The following MYO18B variants were observed in gnomAD, a reference collection of about 807,000 sequenced individuals.
The protein encoded by MYO18B is unconventional myosin-XVIIIb.
In MYO18B, 204 loss-of-function variants were observed where a neutral mutation model predicts 273.0. The observed-to-expected ratio is 0.75, with a 90% confidence interval of 0.67 to 0.84. The LOEUF (loss-of-function observed/expected upper bound fraction) is 0.84. Ranked by LOEUF, MYO18B falls within the 40% of genes least tolerant of loss-of-function variation. The pLI is 0.00. For synonymous variants in MYO18B, 1,330 were observed against 1,305.7 expected, an observed-to-expected ratio of 1.02 and a Z score of -0.40; for missense variants, 3,212 against 3,287.6, an observed-to-expected ratio of 0.98 and a Z score of 0.56.
Position 26,018,219 on chromosome 22 carries a change from C to G in MYO18B, c.6471-8226C>G, listed in dbSNP as rs189957321. On this transcript the variant is annotated intron_variant, in intron 42 of 43. Transcript: ENST00000335473. ...CGACCTTAAGCATCAGAGAGAACAG[C>G]AAGCAAGCCTTGAGAGCGACCTTGT... Among the ~76,000 whole-genome samples the G allele has an allele frequency of 4.2e-3, 633 of 152,244 alleles. 2 individuals carry two copies. The highest frequency in any genetic ancestry group is 7.7e-3 in the Non-Finnish European group (523 of 68,026).
the MYO18B span, among the ~76,000 whole-genome samples, chr22:26,054,468 G>A: frequency 4.6e-5 from 7 of 152,202 alleles, no homozygotes; most frequent in African/African-American, 1.7e-4. Flanking sequence ...AGAAGCAACA[G>A]AAAATGAGCT....
intron 15 of MYO18B, among the ~76,000 whole-genome samples, chr22:25,832,256 A>G (rs560621802): frequency 5.3e-5 from 8 of 152,186 alleles, no homozygotes; most frequent in Non-Finnish European, 1.0e-4. Context: ...ATGTCTGGGT[A>G]TGTACTGAAA....
intron 21 of MYO18B, 147 bp from the exon 22 acceptor site, chr22:25,868,173 G>T: frequency 3.0e-6 from 2 of 657,874 alleles, no homozygotes; most frequent in Non-Finnish European, 5.3e-6. Context: ...ACCTTCCTGT[G>T]TGAGGTGGGG....
chr22:25,840,119 G>A (rs2090038289), intron 17 of MYO18B, among the ~76,000 whole-genome samples: 1 of 152,094 alleles, frequency 6.6e-6, no homozygotes, highest in Non-Finnish European at 1.5e-5. Flanking sequence ...TTGTTTCTCT[G>A]CTTGCTTGCC....
At chr22:25,907,635 A>G (rs183529265) in intron 31 of MYO18B, among the ~76,000 whole-genome samples, 2 of 152,298 alleles carry the variant, frequency 1.3e-5, no homozygotes, top group East Asian at 1.9e-4. Context: ...CCAGGCTTTC[A>G]TGTCTTCATA....
intron 31 of MYO18B, among the ~76,000 whole-genome samples, chr22:25,906,005 CG>C (rs1259674449): frequency 1.3e-5 from 2 of 152,108 alleles, no homozygotes; most frequent in Non-Finnish European, 2.9e-5. Flanking sequence ...ACTTAGTGCT[CG>C]GAAGCAAAAA....
chr22:25,755,081 G>A (rs916025121), intron 1 of MYO18B, among the ~76,000 whole-genome samples: 1 of 152,194 alleles, frequency 6.6e-6, no homozygotes, highest in Non-Finnish European at 1.5e-5. Flanking sequence ...AGTCACTCGG[G>A]GGCCTCGCCA....
chr22:25,997,134 C>T (rs1933341218), intron 40 of MYO18B, among the ~76,000 whole-genome samples: 1 of 151,698 alleles, frequency 6.6e-6, no homozygotes, highest in African/African-American at 2.4e-5. Flanking sequence ...CCCCGCCTGG[C>T]CAACATGGTG....
At position 25,835,353 on chromosome 22, in the gene MYO18B, G is replaced by A. The variant is rs754900418; in HGVS notation, c.3118G>A (p.Asp1040Asn). ...TGCCAGAGGCCTTTTCTGGGTCTTA[G>A]ATGAGGAAGTCCATGTAGAGGGCTC... is the stretch of plus-strand genomic sequence containing the variant. ...QDARGLFWVL[D>N]EEVHVEGSSD... Residue 1040 changes from aspartate to asparagine, a missense_variant, in exon 17 of 44, where the codon GAT becomes AAT. Physicochemically the swap from Asp to Asn is conservative, Grantham distance 23. Coordinates refer to ENST00000335473, the MANE Select transcript of MYO18B (RefSeq NM_032608.7). 5 of 1,613,870 alleles carry A rather than the reference G, an allele frequency of 3.1e-6. No individual in the cohort carries two copies. The African/African-American group carries it at 6.7e-5, about 22-fold the overall frequency.
At chr22:25,987,359 C>G (rs1044895432) in intron 39 of MYO18B, among the ~76,000 whole-genome samples, 1 of 152,040 alleles carries the variant, frequency 6.6e-6, no homozygotes, top group Non-Finnish European at 1.5e-5. Context: ...GGGAGTAGCC[C>G]GGGGGTTTAA....
chr22:26,021,836 G>A (rs1935844714), intron 42 of MYO18B, among the ~76,000 whole-genome samples: 2 of 152,178 alleles, frequency 1.3e-5, no homozygotes, highest in South Asian at 2.1e-4. Context: ...CCATCCGTTT[G>A]CTCTCTCCTA....
chr22:25,848,773 T>C (rs2090334214), intron 20 of MYO18B, among the ~76,000 whole-genome samples: 1 of 152,204 alleles, frequency 6.6e-6, no homozygotes, highest in East Asian at 1.9e-4. Context: ...TCTCTGACAG[T>C]TAGAAATGGC....
At chr22:25,894,184 A>G (rs945038088) in intron 27 of MYO18B, among the ~76,000 whole-genome samples, 2 of 152,236 alleles carry the variant, frequency 1.3e-5, no homozygotes, top group Non-Finnish European at 2.9e-5. Flanking sequence ...GAAAGCCCTG[A>G]TCATACTAGG....
At chr22:25,946,509 A>G (rs1008647753) in intron 35 of MYO18B, among the ~76,000 whole-genome samples, 1 of 152,142 alleles carries the variant, frequency 6.6e-6, no homozygotes, top group African/African-American at 2.4e-5. Context: ...TCAGCTGAGC[A>G]TTATAAAGAT....
At chr22:26,004,158 A>G (rs1934224625) in intron 41 of MYO18B, among the ~76,000 whole-genome samples, 2 of 151,942 alleles carry the variant, frequency 1.3e-5, no homozygotes, top group South Asian at 4.2e-4. Flanking sequence ...ATACACACAC[A>G]TATACATAAT....
Position 25,846,089 on chromosome 22 carries a change from C to G in MYO18B, c.3369-11C>G. The G allele has an allele frequency of 2.6e-6, 4 of 1,518,622 alleles. No individual in the cohort carries two copies. The highest frequency in any genetic ancestry group is 3.5e-6 in the Non-Finnish European group (4 of 1,137,856). The allele number at this position is 1,518,622 out of a possible 1,614,324, so 94.1% of individuals were successfully genotyped here. A position where few individuals can be genotyped will look rare whatever the true frequency, so the allele number is the denominator to read the frequency against. On this transcript the variant is annotated splice_polypyrimidine_tract_variant and intron_variant, in intron 18 of 43. Transcript: ENST00000335473. ...CTAAAGCTCCTCTCTCTTTTCCCTC[C>G]TCCCCACCAGAGAGGAGCTGCGGAG... is the stretch of plus-strand genomic sequence containing the variant.
chr22:25,769,400 A>G lies in MYO18B; in HGVS notation c.1484A>G (p.Lys495Arg). ...GGGCCAGCCCCGCAGGAGGAGGGCA[A>G]AGGAGGCCAGAGCAGAGACTCAGAC... ...QDGPAPQEEG[K>R]GGQSRDSDQA... Residue 495 changes from lysine to arginine, a missense_variant, in exon 4 of 44, where the codon AAA (lysine) becomes AGA (arginine). By Grantham distance (26) the Lys-to-Arg change is conservative. Transcript: ENST00000335473. 6.4e-7 allele frequency: 1 copy of G among 1,562,880 alleles called. No individual in the cohort carries two copies. Among genetic ancestry groups the G allele is most frequent in the Non-Finnish European group, 8.7e-7 (1 of 1,154,544 alleles).
rs552014251 is a variant in MYO18B at position 25,774,917 on chromosome 22, G to A, written c.1869+2407G>A. Among the ~76,000 whole-genome samples, 31 of 152,368 alleles carry A rather than the reference G, an allele frequency of 2.0e-4. 1 individual carries two copies. In the South Asian group the frequency reaches 6.2e-3, roughly 31 times the overall value. On this transcript the variant is annotated intron_variant, in intron 7 of 43. Transcript: ENST00000335473. The stretch of plus-strand genomic sequence containing the variant: ...GATCCCATCTCTGTGTGCAGAGCCC[G>A]CCGCAACTGTTGCGTGCATGTGCCT...
intron 39 of MYO18B, among the ~76,000 whole-genome samples, chr22:25,957,951 G>C (rs1247847792): frequency 8.1e-6 from 1 of 123,400 alleles, no homozygotes; most frequent in African/African-American, 3.2e-5. Context: ...GTCTTGCTCT[G>C]TCTCCCAGGC....
Sources: allele counts gnomAD v4.1 joint callset (sites outside exome capture counted in the v4.1 genomes callset), GRCh38; gene constraint gnomAD v4.1.1; transcripts MANE v1.5; gene names NCBI Gene and HGNC (gene_info 2026-07-23, HGNC 2026-07-21).